Variants in OPCML observed in about 807,000 individuals in gnomAD.
The protein encoded by OPCML is opioid binding protein/cell adhesion molecule like, also known as opioid-binding protein/cell adhesion molecule.
In OPCML, 13 loss-of-function variants were observed where a neutral mutation model predicts 37.8. The ratio of observed to expected loss-of-function variants is 0.34; its 90% confidence interval spans 0.22 to 0.55. The LOEUF is 0.55. Ranked by LOEUF, OPCML falls within the 20% of genes least tolerant of loss-of-function variation. The pLI, the probability that OPCML is intolerant of heterozygous loss-of-function variation, is 0.91. For synonymous variants in OPCML, 176 were observed against 168.8 expected, an observed-to-expected ratio of 1.04 and a Z score of -0.33; for missense variants, 341 against 435.6, an observed-to-expected ratio of 0.78 and a Z score of 1.93.
At chr11:133,451,843 GA>G (rs145214679) in intron 1 of OPCML, among the ~76,000 whole-genome samples, 11,826 of 148,392 alleles carry the variant, frequency 0.08, 1,104 homozygotes, top group African/African-American at 0.19. Context: ...ACTCCAACTA[GA>G]AAAAAAAAAT....
At chr11:132,566,091 A>C in intron 3 of OPCML, among the ~76,000 whole-genome samples, 1 of 152,244 alleles carries the variant, frequency 6.6e-6, no homozygotes, top group Admixed American at 6.5e-5. Flanking sequence ...AACATCTATT[A>C]AGCCCCCAAT....
intron 1 of OPCML, among the ~76,000 whole-genome samples, chr11:133,418,683 TA>T (rs1162309371): frequency 1.3e-5 from 2 of 152,190 alleles, no homozygotes; most frequent in Non-Finnish European, 2.9e-5. Flanking sequence ...TTCCCCAAAC[TA>T]AACTGCCTTT....
At chr11:133,233,365 C>A (rs917662531) in intron 1 of OPCML, among the ~76,000 whole-genome samples, 2 of 152,120 alleles carry the variant, frequency 1.3e-5, no homozygotes, top group African/African-American at 4.8e-5. Context: ...TCTGCCATCC[C>A]CCTTTCTGTC....
At chr11:132,607,065 C>T (rs1938348921) in intron 3 of OPCML, among the ~76,000 whole-genome samples, 1 of 152,190 alleles carries the variant, frequency 6.6e-6, no homozygotes, top group Non-Finnish European at 1.5e-5. Context: ...AATCATATCA[C>T]TAATTAAGTA....
At chr11:133,526,787 T>A (rs1371371882) in intron 1 of OPCML, among the ~76,000 whole-genome samples, 1 of 152,096 alleles carries the variant, frequency 6.6e-6, no homozygotes, top group Non-Finnish European at 1.5e-5. Flanking sequence ...ACCAACAGCA[T>A]AAAAGGCAAG....
rs556991980 is a variant in OPCML, at chr11:133,294,796, TTTC to T, written c.61+237465_61+237467del. Among the ~76,000 whole-genome samples, 530 of 137,750 alleles carry T rather than the reference TTTC, an allele frequency of 3.8e-3. 7 individuals carry two copies. Among genetic ancestry groups the T allele is most frequent in the African/African-American group, 0.013 (454 of 33,676 alleles). The allele number at this position is 137,750 out of a possible 152,430, so 90.4% of individuals were successfully genotyped here. ...TGCAAACAGAAACTTTCTTTTTTTTTTTCTTTCTTTCTTTCTTTCTTTTTTTTT... is the reference window on the plus strand; with the variant it reads ...TGCAAACAGAAACTTTCTTTTTTTTTTTTCTTTCTTTCTTTCTTTTTTTTT... On this transcript the variant is annotated intron_variant, in intron 1 of 7. Coordinates refer to ENST00000524381, the MANE Select transcript of OPCML (RefSeq NM_001012393.5).
At chr11:132,736,276 G>A (rs1049992655) in intron 2 of OPCML, among the ~76,000 whole-genome samples, 5 of 152,170 alleles carry the variant, frequency 3.3e-5, no homozygotes, top group African/African-American at 4.8e-5. Flanking sequence ...AGGCTATATG[G>A]AAGGAAGCAC....
At chr11:132,427,887 T>C (rs1472380802) in intron 7 of OPCML, among the ~76,000 whole-genome samples, 1 of 152,218 alleles carries the variant, frequency 6.6e-6, no homozygotes, top group East Asian at 1.9e-4. Context: ...TTTTCTACTA[T>C]GTTGACATTT....
intron 2 of OPCML, among the ~76,000 whole-genome samples, chr11:132,753,660 T>C (rs554432002): frequency 1.3e-5 from 2 of 152,318 alleles, no homozygotes; most frequent in African/African-American, 2.4e-5. Context: ...GTGATGGGTA[T>C]ACATAGGAAC....
chr11:133,461,000 A>T (rs1946845643), intron 1 of OPCML, among the ~76,000 whole-genome samples: 1 of 151,964 alleles, frequency 6.6e-6, no homozygotes, highest in African/African-American at 2.4e-5. Flanking sequence ...TGATCATTTC[A>T]TTTGAGTCAG....
At chr11:132,682,550 A>G (rs926192318) in intron 2 of OPCML, among the ~76,000 whole-genome samples, 1 of 152,224 alleles carries the variant, frequency 6.6e-6, no homozygotes, top group Non-Finnish European at 1.5e-5. Flanking sequence ...GCACCCACAC[A>G]TGAGAAAGCC....
At chr11:133,045,537 G>T (rs779029044) in intron 1 of OPCML, among the ~76,000 whole-genome samples, 1 of 152,312 alleles carries the variant, frequency 6.6e-6, no homozygotes, top group Middle Eastern at 3.4e-3. Context: ...CAAAAATTCA[G>T]TCTCTCTAAA....
intron 1 of OPCML, among the ~76,000 whole-genome samples, chr11:133,214,358 G>T (rs1460024869): frequency 6.6e-6 from 1 of 152,122 alleles, no homozygotes; most frequent in East Asian, 1.9e-4. Flanking sequence ...ATCAACACAT[G>T]TACTTATTTT....
chr11:132,554,863 GTT>G lies in OPCML; in HGVS notation c.380-25679_380-25678del, dbSNP rs5795789. ...ATAAAAGCCATGGGAATGGGGTAAAGTTTTTTTTTTTTTTTTTTTTTTTTTTT... is the reference window on the plus strand; with the variant it reads ...ATAAAAGCCATGGGAATGGGGTAAAGTTTTTTTTTTTTTTTTTTTTTTTTT... On this transcript the variant is annotated intron_variant, in intron 3 of 7. Transcript: ENST00000524381. 8.0e-4 allele frequency among the ~76,000 whole-genome samples: 51 copies of G among 64,022 alleles called. 1 individual carries two copies. The highest frequency in any genetic ancestry group is 4.6e-3 in the South Asian group (5 of 1,094). 42.0% of individuals were successfully genotyped at this position (64,022 alleles called of 152,430 possible). A position where few individuals can be genotyped will look rare whatever the true frequency, so the allele number is the denominator to read the frequency against.
At chr11:133,376,536 CAT>C (rs1944807153) in intron 1 of OPCML, among the ~76,000 whole-genome samples, 2 of 152,094 alleles carry the variant, frequency 1.3e-5, no homozygotes, top group South Asian at 4.1e-4. Context: ...ACTATGTAGA[CAT>C]GTGTATTATA....
intron 3 of OPCML, among the ~76,000 whole-genome samples, chr11:132,544,273 C>A (rs543486198): frequency 6.6e-6 from 1 of 152,148 alleles, no homozygotes; most frequent in East Asian, 1.9e-4. Flanking sequence ...CGGAAGCTTC[C>A]AAAGGAATAA....
At chr11:133,501,065 C>T (rs1381611825) in intron 1 of OPCML, among the ~76,000 whole-genome samples, 1 of 152,166 alleles carries the variant, frequency 6.6e-6, no homozygotes, top group Non-Finnish European at 1.5e-5. Context: ...AGCCATTCTG[C>T]TGGGACAGAG....
intron 2 of OPCML, among the ~76,000 whole-genome samples, chr11:132,718,360 A>G (rs1032021576): frequency 1.3e-5 from 2 of 152,190 alleles, no homozygotes; most frequent in Non-Finnish European, 2.9e-5. Flanking sequence ...TACATTCAAA[A>G]TGAGTATTTA....
chr11:133,370,909 G>A (rs1283776490), intron 1 of OPCML, among the ~76,000 whole-genome samples: 3 of 152,160 alleles, frequency 2.0e-5, no homozygotes, highest in African/African-American at 7.2e-5. Context: ...GAGAATATTT[G>A]CAAACTATTC....
Sources: gnomAD v4.1 joint callset for allele counts (sites outside exome capture counted in the v4.1 genomes callset) on GRCh38, gnomAD v4.1.1 for gene constraint, MANE v1.5 for transcripts, NCBI Gene and HGNC (gene_info 2026-07-23, HGNC 2026-07-21) for gene names.